The following ABR variants were observed in gnomAD, a reference collection of about 807,000 sequenced individuals.
ABR encodes ABR activator of RhoGEF and GTPase, also known as active breakpoint cluster region-related protein.
In ABR, 35 loss-of-function variants were observed where a neutral mutation model predicts 107.2. The ratio of observed to expected loss-of-function variants is 0.33; its 90% CI spans 0.25 to 0.43. The LOEUF is 0.43. Ranked by LOEUF, ABR falls within the 20% of genes least tolerant of loss-of-function variation. The probability of loss-of-function intolerance (pLI) is 1.00; values close to 1 mark genes in which losing one functional copy is unlikely to be tolerated. For missense variants in ABR, 815 were observed against 1,115.2 expected, an observed-to-expected ratio of 0.73 and a Z score of 3.83; for synonymous variants, 498 against 462.0, an observed-to-expected ratio of 1.08 and a Z score of -1.00.
intron 16 of ABR, among the ~76,000 whole-genome samples, chr17:1,026,594 C>T (rs895028315): frequency 8.5e-5 from 13 of 152,290 alleles, no homozygotes; most frequent in Non-Finnish European, 1.6e-4. Flanking sequence ...TCCCGCCTCT[C>T]CAGGGCCCAT....
intron 16 of ABR, among the ~76,000 whole-genome samples, chr17:1,033,903 AAAGCCAT>A (rs1253021505): frequency 2.0e-5 from 3 of 151,044 alleles, no homozygotes; most frequent in Non-Finnish European, 4.4e-5. Flanking sequence ...ACACAGCCAC[AAAGCCAT>A]CTCCTCCAGG....
At chr17:1,014,917 C>T (rs747433265) in intron 16 of ABR, among the ~76,000 whole-genome samples, 3 of 152,170 alleles carry the variant, frequency 2.0e-5, no homozygotes, top group Non-Finnish European at 2.9e-5. Flanking sequence ...TGGATCTTCT[C>T]TCCTTGAATT....
intron 1 of ABR, chr17:1,155,897 G>A (rs746824231): frequency 8.2e-5 from 12 of 146,826 alleles, no homozygotes; most frequent in Non-Finnish European, 1.5e-4. Context: ...GGAGGTTGCA[G>A]TGAGCCGAGA....
At chr17:1,224,140 G>C (rs1448513397) in intron 1 of ABR, among the ~76,000 whole-genome samples, 2 of 151,908 alleles carry the variant, frequency 1.3e-5, no homozygotes, top group Non-Finnish European at 2.9e-5. Context: ...TCACACCTGG[G>C]GAGAGGCAGG....
intron 6 of ABR, among the ~76,000 whole-genome samples, chr17:1,073,971 C>T (rs569262242): frequency 7.1e-6 from 1 of 140,730 alleles, no homozygotes; most frequent in Non-Finnish European, 1.6e-5. Flanking sequence ...CAGGCCTGTC[C>T]TGGCCTCACC....
intron 4 of ABR, among the ~76,000 whole-genome samples, chr17:1,087,303 G>A (rs2036658076): frequency 6.6e-6 from 1 of 152,180 alleles, no homozygotes; most frequent in East Asian, 1.9e-4. Flanking sequence ...ACCCAGAGAG[G>A]CTGGGGTGGG....
chr17:1,029,988 A>C (rs1337693716), intron 16 of ABR, among the ~76,000 whole-genome samples: 1 of 151,798 alleles, frequency 6.6e-6, no homozygotes, highest in African/African-American at 2.4e-5. Context: ...TAGGGGATGG[A>C]ATCGCTCGTC....
At chr17:1,225,737 G>T (rs536510136) in intron 1 of ABR, among the ~76,000 whole-genome samples, 1 of 152,074 alleles carries the variant, frequency 6.6e-6, no homozygotes, top group Non-Finnish European at 1.5e-5. Flanking sequence ...TGCTTCCTAC[G>T]TGCCAGGACC....
At chr17:1,215,899 CAT>C (rs1368041703) in intron 1 of ABR, among the ~76,000 whole-genome samples, 12 of 103,286 alleles carry the variant, frequency 1.2e-4, no homozygotes, top group African/African-American at 4.2e-4. Context: ...CTCTCTGAAA[CAT>C]GTGCTGTGTC....
intron 1 of ABR, among the ~76,000 whole-genome samples, chr17:1,208,658 G>A (rs1001152260): frequency 6.6e-6 from 1 of 152,190 alleles, no homozygotes; most frequent in South Asian, 2.1e-4. Context: ...GGAGGCCGAG[G>A]CGGGCGGATC....
Position 1,054,187 on chromosome 17 carries a change from G to A in ABR, c.1561+1848C>T, listed in dbSNP as rs79945194. Among the ~76,000 whole-genome samples the A allele has an allele frequency of 5.3e-5, 8 of 152,348 alleles. No individual in the cohort carries two copies. In the South Asian group the frequency reaches 6.2e-4, roughly 12 times the overall value. On this transcript the variant is annotated intron_variant, in intron 14 of 22. Coordinates refer to ENST00000302538, the MANE Select transcript of ABR (RefSeq NM_021962.5). ...CGGCGGGATGCCGGAGGCTCAGAGC[G>A]GACCGTGAGACTGAGAGGCTCTGAA...
rs889766358 is a variant in ABR, at chr17:1,079,204, C to T, written c.700+126G>A. 82 of 1,489,646 alleles carry T rather than the reference C, an allele frequency of 5.5e-5. No homozygotes were observed. The Middle Eastern group carries it at 6.4e-4, about 12-fold the overall frequency. 92.3% of individuals were successfully genotyped at this position (1,489,646 alleles called of 1,614,324 possible). ...GCTCACACTCACACGCGCTCACACACGCTCACGCTCACACGCGCTCACACA... is the reference window on the plus strand; with the variant it reads ...GCTCACACTCACACGCGCTCACACATGCTCACGCTCACACGCGCTCACACA... On this transcript the variant is annotated intron_variant, in intron 6 of 22. Coordinates refer to ENST00000302538, the MANE Select transcript of ABR (RefSeq NM_021962.5).
intron 1 of ABR, among the ~76,000 whole-genome samples, chr17:1,216,531 T>A (rs1424168715): frequency 6.6e-6 from 1 of 152,226 alleles, no homozygotes; most frequent in Non-Finnish European, 1.5e-5. Context: ...ATGCCTCCCA[T>A]TCACATTGCC....
intron 16 of ABR, among the ~76,000 whole-genome samples, chr17:1,038,854 C>A (rs943391100): frequency 3.3e-5 from 5 of 152,228 alleles, no homozygotes; most frequent in African/African-American, 9.6e-5. Flanking sequence ...TCAGAAAACA[C>A]GGAAAGTGGG....
chr17:1,166,872 C>G (rs888297916), intron 1 of ABR, among the ~76,000 whole-genome samples: 1 of 152,076 alleles, frequency 6.6e-6, no homozygotes, highest in African/African-American at 2.4e-5. Context: ...CATGGTGGCA[C>G]GCGCCTGTAG....
At chr17:1,045,011 T>C (rs967483547) in intron 16 of ABR, among the ~76,000 whole-genome samples, 45 of 152,246 alleles carry the variant, frequency 3.0e-4, no homozygotes, top group Non-Finnish European at 5.9e-5. Context: ...AAAGGAGGTT[T>C]ATAATAATCC....
chr17:1,186,645 C>T (rs543032803), intron 1 of ABR, among the ~76,000 whole-genome samples: 55 of 152,338 alleles, frequency 3.6e-4, no homozygotes, highest in Non-Finnish European at 7.1e-4. Context: ...CCCGAGCCAC[C>T]GTTTTAGGAG....
rs536686493 is a variant in ABR at position 1,173,667 on chromosome 17, G to A, written c.61+6000C>T. 8.5e-5 allele frequency among the ~76,000 whole-genome samples: 13 copies of A among 152,256 alleles called. No homozygotes were observed. In the South Asian group the frequency reaches 2.3e-3, roughly 27 times the overall value. ...TTCAGCTAACAGGGGTTTCTGCTGC[G>A]GGGAGGAGCTCAAGGAGCCAAGAAC... On this transcript the variant is annotated intron_variant, in intron 1 of 22. Transcript: ENST00000302538.
intron 13 of ABR, among the ~76,000 whole-genome samples, chr17:1,056,355 C>G (rs1009804914): frequency 1.1e-4 from 16 of 152,168 alleles, no homozygotes. Context: ...ACCCACCATC[C>G]TGGCCCAGGG....
Sources: gnomAD v4.1 joint callset for allele counts (sites outside exome capture counted in the v4.1 genomes callset) on GRCh38, gnomAD v4.1.1 for gene constraint, MANE v1.5 for transcripts, NCBI Gene and HGNC (gene_info 2026-07-23, HGNC 2026-07-21) for gene names.